The following SCHIP1 variants were observed in gnomAD, a reference collection of about 807,000 sequenced individuals.
The protein encoded by SCHIP1 is schwannomin-interacting protein 1.
Under a neutral mutation model 29.7 loss-of-function variants are expected in SCHIP1, and 8 were observed. That is an observed-to-expected ratio of 0.27 (90% CI 0.16 to 0.49). The LOEUF (loss-of-function observed/expected upper bound fraction) is 0.49. Among genes scored for constraint, SCHIP1 ranks in the 20% least tolerant of loss-of-function variants. The pLI, the probability that SCHIP1 is intolerant of heterozygous loss-of-function variation, is 0.99. For missense variants in SCHIP1, 193 were observed against 294.6 expected (o/e 0.66, Z 2.52); for synonymous variants, 76 against 94.9 (o/e 0.80, Z 1.16).
the SCHIP1 span, among the ~76,000 whole-genome samples, chr3:159,304,798 T>C: frequency 6.6e-6 from 1 of 152,316 alleles, no homozygotes; most frequent in African/African-American, 2.4e-5. Flanking sequence ...CAATTCTCAT[T>C]ATTTAGCCAC....
chr3:159,428,264 C>A, the SCHIP1 span, among the ~76,000 whole-genome samples: 2 of 151,834 alleles, frequency 1.3e-5, no homozygotes, highest in African/African-American at 4.8e-5. Flanking sequence ...AGGCAACCTA[C>A]AAAATGGGAG....
At chr3:159,308,227 T>C in the SCHIP1 span, among the ~76,000 whole-genome samples, 1 of 152,180 alleles carries the variant, frequency 6.6e-6, no homozygotes, top group African/African-American at 2.4e-5. Flanking sequence ...TCTTTCCATT[T>C]ATTTGTGTCA....
At chr3:159,492,664 T>G in the SCHIP1 span, among the ~76,000 whole-genome samples, 1 of 152,202 alleles carries the variant, frequency 6.6e-6, no homozygotes, top group Non-Finnish European at 1.5e-5. Flanking sequence ...GGAACCAAGT[T>G]GGAAAACACT....
chr3:159,696,055 A>T, the SCHIP1 span, among the ~76,000 whole-genome samples: 1 of 152,112 alleles, frequency 6.6e-6, no homozygotes, highest in African/African-American at 2.4e-5. Context: ...ACTGGTACCC[A>T]TCAAATTCAT....
the SCHIP1 span, among the ~76,000 whole-genome samples, chr3:159,752,941 T>G: frequency 6.6e-6 from 1 of 152,198 alleles, no homozygotes; most frequent in African/African-American, 2.4e-5. Flanking sequence ...ACATTTGAGG[T>G]TGAAGCTAAT....
At chr3:159,877,874 G>A (rs1309293558) in intron 2 of SCHIP1, among the ~76,000 whole-genome samples, 3 of 152,148 alleles carry the variant, frequency 2.0e-5, no homozygotes, top group Non-Finnish European at 2.9e-5. Flanking sequence ...TATCAATTAC[G>A]TTAGAGTCTG....
At chr3:159,576,732 T>G in the SCHIP1 span, among the ~76,000 whole-genome samples, 561 of 152,296 alleles carry the variant, frequency 3.7e-3, 5 homozygotes, top group African/African-American at 0.013. Context: ...CCCCGACTTA[T>G]GCCCACCTCC....
At chr3:159,712,826 GAGAAAGAA>G in the SCHIP1 span, among the ~76,000 whole-genome samples, 11,453 of 148,652 alleles carry the variant, frequency 0.077, 520 homozygotes, top group Non-Finnish European at 0.11. Context: ...AGAAAGAAGA[GAGAAAGAA>G]AGAAAGAAAG....
chr3:159,668,639 A>G, the SCHIP1 span, among the ~76,000 whole-genome samples: 1 of 152,160 alleles, frequency 6.6e-6, no homozygotes. Context: ...GGCCTCTCTG[A>G]AGATATTCTA....
At chr3:159,602,422 C>G in the SCHIP1 span, among the ~76,000 whole-genome samples, 1 of 152,108 alleles carries the variant, frequency 6.6e-6, no homozygotes, top group African/African-American at 2.4e-5. Context: ...AAGAAAACAT[C>G]AGGCCGGGCC....
At chr3:159,758,600 C>T in the SCHIP1 span, among the ~76,000 whole-genome samples, 2 of 152,228 alleles carry the variant, frequency 1.3e-5, no homozygotes, top group East Asian at 1.9e-4. Context: ...AAAAGAACAG[C>T]AGGCTGCCTC....
chr3:159,529,910 T>C, the SCHIP1 span, among the ~76,000 whole-genome samples: 1 of 152,206 alleles, frequency 6.6e-6, no homozygotes, highest in Non-Finnish European at 1.5e-5. Context: ...TCCAGTTATA[T>C]CCATATTGCT....
the SCHIP1 span, among the ~76,000 whole-genome samples, chr3:159,627,377 A>C: frequency 6.6e-6 from 1 of 152,222 alleles, no homozygotes; most frequent in Non-Finnish European, 1.5e-5. Context: ...CAGGCAGAGA[A>C]AAGACAGGAA....
the SCHIP1 span, among the ~76,000 whole-genome samples, chr3:159,445,387 G>A: frequency 6.6e-6 from 1 of 151,262 alleles, no homozygotes; most frequent in Non-Finnish European, 1.5e-5. Flanking sequence ...ACAGGTGCTG[G>A]AGAGGATGTG....
chr3:159,873,392 T>A (rs991856677), intron 2 of SCHIP1, among the ~76,000 whole-genome samples: 7 of 152,314 alleles, frequency 4.6e-5, no homozygotes, highest in African/African-American at 1.7e-4. Flanking sequence ...AATTATCAAG[T>A]AACATGAGGG....
At chr3:159,680,068 G>C in the SCHIP1 span, among the ~76,000 whole-genome samples, 1 of 151,744 alleles carries the variant, frequency 6.6e-6, no homozygotes. Flanking sequence ...CACTACGTGC[G>C]TTACTTCTTA....
At chr3:159,677,429 G>A in the SCHIP1 span, among the ~76,000 whole-genome samples, 1 of 152,034 alleles carries the variant, frequency 6.6e-6, no homozygotes, top group African/African-American at 2.4e-5. Context: ...GGAAGAGAAG[G>A]GAGTTGGACT....
the SCHIP1 span, among the ~76,000 whole-genome samples, chr3:159,518,039 T>C: frequency 6.6e-6 from 1 of 152,172 alleles, no homozygotes; most frequent in African/African-American, 2.4e-5. Context: ...TCATATAATG[T>C]AATTGTATAC....
chr3:159,391,039 C>T, the SCHIP1 span, among the ~76,000 whole-genome samples: 2 of 152,094 alleles, frequency 1.3e-5, no homozygotes, highest in Non-Finnish European at 2.9e-5. Flanking sequence ...TTAAATGTCT[C>T]CTTTTCAGTT....
Sources: gnomAD v4.1 joint callset for allele counts (sites outside exome capture counted in the v4.1 genomes callset) on GRCh38, gnomAD v4.1.1 for gene constraint, MANE v1.5 for transcripts, NCBI Gene and HGNC (gene_info 2026-07-23, HGNC 2026-07-21) for gene names.